TMEM135: variants seen among roughly 807,000 people sequenced by gnomAD.
TMEM135 encodes the protein peroxisomal membrane protein 52.
A neutral mutation model predicts 60.3 loss-of-function variants in TMEM135; 30 were observed. The observed-to-expected ratio is 0.50, with a 90% CI of 0.37 to 0.68. The LOEUF (loss-of-function observed/expected upper bound fraction) is 0.68. Among genes scored for constraint, TMEM135 ranks in the 30% least tolerant of loss-of-function variants. The pLI, the probability that TMEM135 is intolerant of heterozygous loss-of-function variation, is 0.00. For missense variants in TMEM135, 468 were observed against 548.8 expected, an observed-to-expected ratio of 0.85 and a Z score of 1.47; for synonymous variants, 190 against 186.7, an observed-to-expected ratio of 1.02 and a Z score of -0.14.
At chr11:87,186,736 T>A (rs1284449567) in intron 5 of TMEM135, among the ~76,000 whole-genome samples, 1 of 152,188 alleles carries the variant, frequency 6.6e-6, no homozygotes, top group East Asian at 1.9e-4. Flanking sequence ...ATATAAAGAT[T>A]TATAAAATTA....
chr11:87,082,686 G>A (rs1857015754), intron 3 of TMEM135, among the ~76,000 whole-genome samples: 1 of 152,172 alleles, frequency 6.6e-6, no homozygotes. Context: ...GTCTAAGATT[G>A]AACGTTTAGA....
At chr11:87,061,195 A>G (rs2135128128) in intron 1 of TMEM135, among the ~76,000 whole-genome samples, 1 of 152,362 alleles carries the variant, frequency 6.6e-6, no homozygotes, top group Non-Finnish European at 1.5e-5. Context: ...TATTCAAAAT[A>G]TATAAATTCA....
chr11:87,176,917 T>G (rs61020949), intron 5 of TMEM135, among the ~76,000 whole-genome samples: 1 of 152,276 alleles, frequency 6.6e-6, no homozygotes, highest in African/African-American at 2.4e-5. Context: ...ATCCCATGCA[T>G]ATAACAACTT....
intron 5 of TMEM135, among the ~76,000 whole-genome samples, chr11:87,210,847 C>A (rs1591106728): frequency 6.6e-6 from 1 of 152,110 alleles, no homozygotes; most frequent in Non-Finnish European, 1.5e-5. Flanking sequence ...ATTTAACATG[C>A]AAATCAGTAA....
At chr11:87,201,873 A>G (rs188428482) in intron 5 of TMEM135, among the ~76,000 whole-genome samples, 4 of 152,286 alleles carry the variant, frequency 2.6e-5, no homozygotes, top group African/African-American at 9.6e-5. Context: ...ATATCATTTT[A>G]TAATGAAATC....
chr11:87,326,131 C>G lies in TMEM135; in HGVS notation c.*4798C>G, dbSNP rs1234736767. ...TTCAGTTTTGTGCCATACTCTCCCC[C>G]ACCCCCAGCCTGCTGCCTCTGCAGA... On this transcript the variant is annotated 3_prime_UTR_variant, in exon 15 of 15. Coordinates refer to ENST00000305494, the MANE Select transcript of TMEM135 (RefSeq NM_022918.4). The G allele has an allele frequency of 4.4e-6, 2 of 453,858 alleles. No individual in the cohort carries two copies. The highest frequency in any genetic ancestry group is 7.0e-5 in the East Asian group (1 of 14,368). 28.1% of individuals were successfully genotyped at this position (453,858 alleles called of 1,614,324 possible).
chr11:87,063,609 C>G (rs1253230704), intron 1 of TMEM135, among the ~76,000 whole-genome samples: 2 of 152,178 alleles, frequency 1.3e-5, no homozygotes, highest in African/African-American at 4.8e-5. Context: ...ACGTGGCACA[C>G]TGGGGAAAAC....
At chr11:87,085,053 A>C (rs1006109120) in intron 3 of TMEM135, among the ~76,000 whole-genome samples, 2 of 152,254 alleles carry the variant, frequency 1.3e-5, no homozygotes, top group African/African-American at 4.8e-5. Context: ...TCAAATGTAA[A>C]ACAATAAATT....
chr11:87,068,573 G>C (rs984807459), intron 2 of TMEM135, among the ~76,000 whole-genome samples: 7 of 151,650 alleles, frequency 4.6e-5, no homozygotes. Flanking sequence ...CACTTTGGGA[G>C]GCCGAGGCGG....
At chr11:87,164,383 G>C (rs371961311) in intron 5 of TMEM135, among the ~76,000 whole-genome samples, 1 of 100,666 alleles carries the variant, frequency 9.9e-6, no homozygotes, top group Non-Finnish European at 1.9e-5. Flanking sequence ...ACTCTGTTCT[G>C]TTCCATTGAT....
chr11:87,151,139 C>G (rs1399476607), intron 4 of TMEM135, among the ~76,000 whole-genome samples: 1 of 152,054 alleles, frequency 6.6e-6, no homozygotes, highest in Non-Finnish European at 1.5e-5. Context: ...TAAAAAATCA[C>G]TGTGCTGAGT....
At chr11:87,240,742 C>T (rs1207669812) in intron 6 of TMEM135, among the ~76,000 whole-genome samples, 1 of 152,082 alleles carries the variant, frequency 6.6e-6, no homozygotes, top group Non-Finnish European at 1.5e-5. Flanking sequence ...AGTAGTTTTG[C>T]ATAATTTTTA....
chr11:87,257,245 C>T (rs111771523), intron 6 of TMEM135, among the ~76,000 whole-genome samples: 3 of 152,268 alleles, frequency 2.0e-5, no homozygotes, highest in African/African-American at 7.2e-5. Flanking sequence ...AAATTTGAAG[C>T]AGTTAAATTT....
intron 5 of TMEM135, among the ~76,000 whole-genome samples, chr11:87,207,224 T>C (rs1265815373): frequency 3.9e-5 from 6 of 152,222 alleles, no homozygotes; most frequent in Non-Finnish European, 8.8e-5. Flanking sequence ...GCTTTAGGAC[T>C]TTGGGTTCTT....
intron 6 of TMEM135, among the ~76,000 whole-genome samples, chr11:87,236,924 A>G (rs1400276313): frequency 6.6e-6 from 1 of 151,856 alleles, no homozygotes; most frequent in Non-Finnish European, 1.5e-5. Flanking sequence ...AGTTCATCCT[A>G]GAAAGTTGAA....
intron 6 of TMEM135, among the ~76,000 whole-genome samples, chr11:87,283,817 C>T (rs948391146): frequency 6.6e-6 from 1 of 152,160 alleles, no homozygotes; most frequent in Non-Finnish European, 1.5e-5. Context: ...GAGATCGCGT[C>T]ATTGCACTCC....
rs375654638 is a variant in TMEM135 at position 87,074,520 on chromosome 11, T to C, written c.362+2905T>C. Among the ~76,000 whole-genome samples the C allele has an allele frequency of 7.3e-4, 111 of 152,358 alleles. 1 individual carries two copies. The South Asian group carries it at 0.022, about 30-fold the overall frequency. On this transcript the variant is annotated intron_variant, in intron 3 of 14. Coordinates refer to ENST00000305494, the MANE Select transcript of TMEM135 (RefSeq NM_022918.4). ...AAATCAAGGTAGCTACTATTTACTC[T>C]TATTTAGCACTCAAATAATTAGATA...
At chr11:87,089,482 G>A (rs1459745778) in intron 3 of TMEM135, among the ~76,000 whole-genome samples, 1 of 152,086 alleles carries the variant, frequency 6.6e-6, no homozygotes, top group Non-Finnish European at 1.5e-5. Context: ...GTTTGAGACT[G>A]CAGTGAGCTA....
At chr11:87,294,486 C>T (rs1170833066) in intron 6 of TMEM135, among the ~76,000 whole-genome samples, 4 of 152,128 alleles carry the variant, frequency 2.6e-5, no homozygotes, top group East Asian at 3.9e-4. Flanking sequence ...CGGGTTCAAG[C>T]GATTCTCCAG....
Sources: gnomAD v4.1 joint callset for allele counts (sites outside exome capture counted in the v4.1 genomes callset) on GRCh38, gnomAD v4.1.1 for gene constraint, MANE v1.5 for transcripts, NCBI Gene and HGNC (gene_info 2026-07-23, HGNC 2026-07-21) for gene names.